NUMB: variants seen among roughly 807,000 people sequenced by gnomAD.
The protein encoded by NUMB is NUMB endocytic adaptor protein, also known as protein numb homolog.
NUMB carries 29 observed loss-of-function variants against 59.7 expected under a neutral mutation model. The observed-to-expected ratio is 0.49, with a 90% CI of 0.36 to 0.66. The LOEUF (loss-of-function observed/expected upper bound fraction) is 0.66, where lower values mean the gene tolerates loss of function less well. Among genes scored for constraint, NUMB ranks in the 30% least tolerant of loss-of-function variants. The probability of loss-of-function intolerance (pLI) is 0.00; values close to 1 mark genes in which losing one functional copy is unlikely to be tolerated. For synonymous variants in NUMB, 288 were observed against 288.2 expected, an observed-to-expected ratio of 1.00 and a Z score of 0.01; for missense variants, 723 against 822.0, an observed-to-expected ratio of 0.88 and a Z score of 1.47.
At chr14:73,420,482 T>C (rs1047802897) in intron 1 of NUMB, among the ~76,000 whole-genome samples, 1 of 152,118 alleles carries the variant, frequency 6.6e-6, no homozygotes, top group African/African-American at 2.4e-5. Context: ...TGTGTGTGTA[T>C]AGGTGTGTGT....
At chr14:73,413,088 T>G (rs1896966791) in intron 1 of NUMB, among the ~76,000 whole-genome samples, 2 of 150,806 alleles carry the variant, frequency 1.3e-5, no homozygotes, top group South Asian at 4.4e-4. Flanking sequence ...TTATTATTTA[T>G]TATTATTATT....
At chr14:73,337,054 A>G (rs1316269823) in intron 4 of NUMB, among the ~76,000 whole-genome samples, 1 of 151,252 alleles carries the variant, frequency 6.6e-6, no homozygotes, top group East Asian at 1.9e-4. Context: ...CAACATGGTG[A>G]AACCCTATCT....
At chr14:73,424,548 A>C (rs115111411) in intron 1 of NUMB, among the ~76,000 whole-genome samples, 1 of 152,204 alleles carries the variant, frequency 6.6e-6, no homozygotes, top group Admixed American at 6.5e-5. Context: ...TGCACACAGT[A>C]GTTTATAACA....
Position 73,292,663 on chromosome 14 carries a change from G to GC in NUMB, c.450+70dup. 3.3e-6 allele frequency: 5 copies of GC among 1,527,358 alleles called. No individual in the cohort carries two copies. The South Asian group carries it at 5.8e-5, about 18-fold the overall frequency. 94.6% of individuals were successfully genotyped at this position (1,527,358 alleles called of 1,614,324 possible). A position where few individuals can be genotyped will look rare whatever the true frequency, so the allele number is the denominator to read the frequency against. On this transcript the variant is annotated intron_variant, in intron 8 of 12. Coordinates refer to ENST00000555238, the MANE Select transcript of NUMB (RefSeq NM_001005743.2). ...TTAAAAATGTAGTAGAAACCGCTTG[G>GC]CTGAGCAAACCCAGAAAGAGCCCAG...
At chr14:73,448,049 G>C (rs1297173022) in intron 1 of NUMB, among the ~76,000 whole-genome samples, 1 of 151,910 alleles carries the variant, frequency 6.6e-6, no homozygotes, top group South Asian at 2.1e-4. Context: ...CGCCTGCCTC[G>C]GCCTCCCAAA....
chr14:73,276,901 G>A lies in NUMB; in HGVS notation c.1633C>T (p.Pro545Ser). The A allele has an allele frequency of 6.2e-7, 1 of 1,614,028 alleles. No individual in the cohort carries two copies. The highest frequency in any genetic ancestry group is 1.7e-5 in the Admixed American group (1 of 60,020). Residue 545 changes from proline (P) to serine (S), a missense_variant, in exon 13 of 13, where the codon CCT becomes TCT. Pro to Ser is a moderately conservative substitution (Grantham distance 74, BLOSUM62 -1). This residue lies in a region of NUMB where 406 missense variants were observed against 385.4 expected (regional missense o/e 1.05). Coordinates refer to ENST00000555238, the MANE Select transcript of NUMB (RefSeq NM_001005743.2). ...VANVFGTAGH[P>S]QAAHPHQSPS... ...GACTGATGGGGATGGGCAGCCTGAG[G>A]GTGGCCTGCAGTGCCAAATACGTTG...
Position 73,442,250 on chromosome 14 carries a change from T to C in NUMB, c.-233+16243A>G, listed in dbSNP as rs541599947. Among the ~76,000 whole-genome samples the C allele has an allele frequency of 2.0e-5, 3 of 150,206 alleles. No homozygotes were observed. The South Asian group carries it at 6.4e-4, about 32-fold the overall frequency. On this transcript the variant is annotated intron_variant, in intron 1 of 12. Coordinates refer to ENST00000555238, the MANE Select transcript of NUMB (RefSeq NM_001005743.2). Reference sequence around the variant, plus strand: ...ACGGGCAGGAGTGGTGGTGCATGCCTATGGTCCTAGCTACTCAGAGGCTGA... The same window carrying C: ...ACGGGCAGGAGTGGTGGTGCATGCCCATGGTCCTAGCTACTCAGAGGCTGA...
Position 73,389,281 on chromosome 14 carries a change from A to C in NUMB, c.-101+20656T>G, listed in dbSNP as rs537920351. ...GCGAGACTCCATCTCTCAAAAAAAA[A>C]AAAAAAAAAAAACAAAAACAAAAAC... On this transcript the variant is annotated intron_variant, in intron 2 of 12. Coordinates refer to ENST00000555238, the MANE Select transcript of NUMB (RefSeq NM_001005743.2). 9.3e-4 allele frequency among the ~76,000 whole-genome samples: 86 copies of C among 92,494 alleles called. 1 individual carries two copies. The East Asian group carries it at 0.034, about 37-fold the overall frequency. The allele number at this position is 92,494 out of a possible 152,430, so 60.7% of individuals were successfully genotyped here. A position where few individuals can be genotyped will look rare whatever the true frequency, so the allele number is the denominator to read the frequency against.
intron 2 of NUMB, among the ~76,000 whole-genome samples, chr14:73,389,285 A>AAAC (rs1895716885): frequency 1.1e-5 from 1 of 94,854 alleles, no homozygotes; most frequent in South Asian, 3.6e-4. Context: ...AAAAAAAAAA[A>AAAC]AAAAAAAACA....
intron 2 of NUMB, among the ~76,000 whole-genome samples, chr14:73,367,348 T>TATATATATAGAGAGAGAGAGAG (rs1555375287): frequency 3.8e-5 from 4 of 105,302 alleles, no homozygotes; most frequent in African/African-American, 1.0e-4. Context: ...TATATATATA[T>TATATATATAGAGAGAGAGAGAG]AGAGAGAGAG....
chr14:73,389,319 T>A (rs1473271747), intron 2 of NUMB, among the ~76,000 whole-genome samples: 1 of 148,978 alleles, frequency 6.7e-6, no homozygotes, highest in Non-Finnish European at 1.5e-5. Context: ...TGGTCTCTGT[T>A]TTATACATAT....
chr14:73,412,859 G>A (rs901884633), intron 1 of NUMB, among the ~76,000 whole-genome samples: 1 of 151,728 alleles, frequency 6.6e-6, no homozygotes, highest in South Asian at 2.1e-4. Context: ...CAAACTCCAG[G>A]CCTCAAGTGT....
intron 12 of NUMB, among the ~76,000 whole-genome samples, chr14:73,277,752 A>C (rs1039937592): frequency 1.1e-4 from 16 of 139,584 alleles, no homozygotes; most frequent in African/African-American, 3.4e-4. Context: ...ACACAGTGAG[A>C]ATTCTGTCTT....
chr14:73,415,251 A>C (rs1404888531), intron 1 of NUMB, among the ~76,000 whole-genome samples: 1 of 152,190 alleles, frequency 6.6e-6, no homozygotes, highest in Non-Finnish European at 1.5e-5. Flanking sequence ...GCTAAATACC[A>C]ACAAAACACA....
intron 1 of NUMB, among the ~76,000 whole-genome samples, chr14:73,423,660 A>T: frequency 6.6e-6 from 1 of 151,332 alleles, no homozygotes; most frequent in African/African-American, 2.4e-5. Flanking sequence ...AAAAAAAAAA[A>T]TTAGCCAGGC....
intron 1 of NUMB, among the ~76,000 whole-genome samples, chr14:73,443,020 G>A (rs1441357340): frequency 6.6e-6 from 1 of 152,004 alleles, no homozygotes; most frequent in African/African-American, 2.4e-5. Context: ...ATGCCTCCAT[G>A]ACTGGCTAAT....
intron 4 of NUMB, among the ~76,000 whole-genome samples, chr14:73,353,092 T>TTTTTTTTTTTTTTTTTTTTTTTTTTTTTG (rs1893544727): frequency 8.4e-6 from 1 of 118,440 alleles, no homozygotes; most frequent in Non-Finnish European, 1.8e-5. Flanking sequence ...TTTTTTTTTT[T>TTTTTTTTTTTTTTTTTTTTTTTTTTTTTG]TTTTTTTTTG....
intron 1 of NUMB, among the ~76,000 whole-genome samples, chr14:73,434,778 T>C (rs1339813441): frequency 1.3e-5 from 2 of 152,216 alleles, no homozygotes; most frequent in Non-Finnish European, 2.9e-5. Context: ...GTCTTTCTTT[T>C]GAATCATTCA....
intron 6 of NUMB, among the ~76,000 whole-genome samples, chr14:73,310,165 A>G (rs947101080): frequency 3.5e-4 from 54 of 152,260 alleles, no homozygotes; most frequent in African/African-American, 1.3e-3. Flanking sequence ...TGCCTACAAG[A>G]ATTAAAGGCA....
Sources: allele counts gnomAD v4.1 joint callset (sites outside exome capture counted in the v4.1 genomes callset), GRCh38; gene constraint gnomAD v4.1.1; regional missense constraint gnomAD v4.1.1; transcripts MANE v1.5; gene names NCBI Gene and HGNC (gene_info 2026-07-23, HGNC 2026-07-21).